The following PRKN variants were observed in gnomAD, a reference collection of about 807,000 sequenced individuals.
PRKN encodes parkin RBR E3 ubiquitin protein ligase.
In PRKN, 56 loss-of-function variants were observed where a neutral mutation model predicts 59.5. The ratio of observed to expected loss-of-function variants is 0.94; its 90% CI spans 0.76 to 1.18. The LOEUF is 1.18. PRKN is among the 50% of genes most tolerant of loss of function. PRKN has a pLI of 0.00. For missense variants in PRKN, 657 were observed against 596.4 expected, an observed-to-expected ratio of 1.10 and a Z score of -1.06; for synonymous variants, 250 against 222.1, an observed-to-expected ratio of 1.13 and a Z score of -1.12.
chr6:162,092,820 C>T (rs943319189), intron 4 of PRKN, among the ~76,000 whole-genome samples: 8 of 152,248 alleles, frequency 5.3e-5, no homozygotes, highest in Admixed American at 1.3e-4. Flanking sequence ...CGGATGCTGA[C>T]GAAGTAGAAA....
intron 2 of PRKN, chr6:162,263,235 A>G (rs1162943591): frequency 9.7e-6 from 2 of 205,808 alleles, no homozygotes; most frequent in Non-Finnish European, 2.0e-5. Context: ...GGGCACCACC[A>G]CACCTGGCTA....
At chr6:161,634,389 G>A (rs991665645) in intron 7 of PRKN, among the ~76,000 whole-genome samples, 6 of 152,138 alleles carry the variant, frequency 3.9e-5, no homozygotes, top group Non-Finnish European at 8.8e-5. Context: ...ACAGTAGAAT[G>A]GGCTCAGCAC....
rs924893546 is a variant in PRKN, at chr6:161,396,826, A to C, written c.1084-9949T>G. On this transcript the variant is annotated intron_variant, in intron 9 of 11. Transcript: ENST00000366898. The surrounding 1 kb of genome is among the most constrained non-coding windows in gnomAD (Gnocchi z 5.4). The stretch of plus-strand genomic sequence containing the variant: ...CTGAATACCTGGGCCCGCCCTGGGC[A>C]ACTTGGGGCAAGGCCAGCTTTGGAA... 6.6e-6 allele frequency among the ~76,000 whole-genome samples: 1 copy of C among 152,208 alleles called. No individual in the cohort carries two copies. Among genetic ancestry groups the C allele is most frequent in the Admixed American group, 6.5e-5 (1 of 15,292 alleles).
At chr6:161,509,919 G>A (rs972530567) in intron 9 of PRKN, among the ~76,000 whole-genome samples, 2 of 144,340 alleles carry the variant, frequency 1.4e-5, no homozygotes, top group Non-Finnish European at 3.0e-5. Context: ...GCCACAAATC[G>A]ATATTTTAAA....
intron 1 of PRKN, among the ~76,000 whole-genome samples, chr6:162,519,283 G>C (rs1311692864): frequency 6.6e-6 from 1 of 152,176 alleles, no homozygotes; most frequent in African/African-American, 2.4e-5. Flanking sequence ...CATGCTGTCG[G>C]AGTACAGATG....
chr6:162,058,208 C>T (rs969126466), intron 4 of PRKN, among the ~76,000 whole-genome samples: 1 of 152,188 alleles, frequency 6.6e-6, no homozygotes, highest in Non-Finnish European at 1.5e-5. Flanking sequence ...CCCTTGGCTT[C>T]ATATTACTTT....
intron 9 of PRKN, among the ~76,000 whole-genome samples, chr6:161,506,118 G>A (rs1364466259): frequency 1.3e-5 from 2 of 150,634 alleles, no homozygotes; most frequent in Admixed American, 6.6e-5. Flanking sequence ...ACCTTGGGCA[G>A]TATGGCCATT....
rs112163896 is a variant in PRKN, at chr6:161,757,471, T to C, written c.871+28301A>G. ...AGACTCCGTGTCACCATAAAAATAA[T>C]AATAAAATATGTGCAAAAGATTTTA... is the stretch of plus-strand genomic sequence containing the variant. On this transcript the variant is annotated intron_variant, in intron 7 of 11. Transcript: ENST00000366898. Among the ~76,000 whole-genome samples, 737 of 152,068 alleles carry C rather than the reference T, an allele frequency of 4.8e-3. 9 individuals are homozygous for C. The highest frequency in any genetic ancestry group is 0.017 in the African/African-American group (695 of 41,484).
At chr6:162,510,518 G>T (rs1321617327) in intron 1 of PRKN, among the ~76,000 whole-genome samples, 1 of 152,172 alleles carries the variant, frequency 6.6e-6, no homozygotes, top group Non-Finnish European at 1.5e-5. Flanking sequence ...GCTCTCTGGG[G>T]AGCAGGGTGA....
At chr6:161,565,191 C>T (rs929567325) in intron 8 of PRKN, among the ~76,000 whole-genome samples, 1 of 152,124 alleles carries the variant, frequency 6.6e-6, no homozygotes, top group Non-Finnish European at 1.5e-5. Flanking sequence ...CTTAGCCTCC[C>T]TCTTGTTTTT....
chr6:161,921,935 T>A (rs565787197), intron 6 of PRKN, among the ~76,000 whole-genome samples: 1 of 152,258 alleles, frequency 6.6e-6, no homozygotes, highest in Admixed American at 6.5e-5. Context: ...ACATTTCAAT[T>A]ACCAGAGAAA....
chr6:161,925,892 C>A (rs1778951617), intron 6 of PRKN, among the ~76,000 whole-genome samples: 1 of 152,146 alleles, frequency 6.6e-6, no homozygotes, highest in South Asian at 2.1e-4. Flanking sequence ...TTACCACATG[C>A]CAGACACTGT....
chr6:161,551,596 G>T lies in PRKN; in HGVS notation c.934-2593C>A, dbSNP rs368284760. On this transcript the variant is annotated intron_variant, in intron 8 of 11. Coordinates refer to ENST00000366898, the MANE Select transcript of PRKN (RefSeq NM_004562.3). This position sits in a 1 kb window ranked among gnomAD's most constrained non-coding sequence, Gnocchi z 5.2. ...GAGCTGGGTGTGTGGCTGCCATTGC[G>T]GTCTTGAAAAGTCATTTCAGTGGAG... Among the ~76,000 whole-genome samples, 2 of 152,104 alleles carry T rather than the reference G, an allele frequency of 1.3e-5. No homozygotes were observed. Among genetic ancestry groups the T allele is most frequent in the East Asian group, 3.9e-4 (2 of 5,186 alleles).
chr6:162,370,483 C>G (rs1362287454), intron 2 of PRKN, among the ~76,000 whole-genome samples: 2 of 152,096 alleles, frequency 1.3e-5, no homozygotes, highest in Admixed American at 1.3e-4. Flanking sequence ...CCCCAAATTA[C>G]ATTTTATTAC....
intron 1 of PRKN, chr6:162,727,322 G>C (rs1040032673): frequency 5.5e-5 from 21 of 383,224 alleles, no homozygotes; most frequent in Admixed American, 9.7e-5. Context: ...CGAAGGTGAG[G>C]GGCGGCGGCG....
At chr6:162,363,391 C>T (rs976094005) in intron 2 of PRKN, among the ~76,000 whole-genome samples, 2 of 151,954 alleles carry the variant, frequency 1.3e-5, no homozygotes, top group African/African-American at 4.8e-5. Context: ...ATGTATTTTT[C>T]TATACAAACC....
At chr6:161,537,732 T>G (rs371584833) in intron 9 of PRKN, among the ~76,000 whole-genome samples, 6 of 152,218 alleles carry the variant, frequency 3.9e-5, no homozygotes, top group Admixed American at 1.3e-4. Context: ...ATTACAGGCG[T>G]GAGCCACTGC....
intron 2 of PRKN, among the ~76,000 whole-genome samples, chr6:162,430,832 G>A (rs1789486471): frequency 6.6e-6 from 1 of 152,132 alleles, no homozygotes. Flanking sequence ...AAAATAGGAA[G>A]AGAAATAACT....
chr6:162,322,713 C>A (rs1053937515), intron 2 of PRKN, among the ~76,000 whole-genome samples: 1 of 151,966 alleles, frequency 6.6e-6, no homozygotes, highest in African/African-American at 2.4e-5. Context: ...GGTTCTAGAA[C>A]AATTGACTAT....
Sources: allele counts gnomAD v4.1 joint callset (sites outside exome capture counted in the v4.1 genomes callset), GRCh38; gene constraint gnomAD v4.1.1; non-coding constraint Gnocchi (gnomAD v3.1); transcripts MANE v1.5; gene names NCBI Gene and HGNC (gene_info 2026-07-23, HGNC 2026-07-21).